Variants in CENPE observed in about 807,000 individuals in gnomAD.
CENPE encodes centromere protein E, also known as centromere-associated protein E.
CENPE carries 145 observed loss-of-function variants against 336.1 expected under a neutral mutation model. The observed-to-expected ratio is 0.43, with a 90% CI of 0.38 to 0.50. The LOEUF (loss-of-function observed/expected upper bound fraction) is 0.50. Ranked by LOEUF, CENPE falls within the 20% of genes least tolerant of loss-of-function variation. CENPE has a pLI of 0.00. For synonymous variants in CENPE, 1,013 were observed against 984.8 expected, an observed-to-expected ratio of 1.03 and a Z score of -0.54; for missense variants, 2,719 against 3,023.3, an observed-to-expected ratio of 0.90 and a Z score of 2.36.
At chr4:103,194,149 T>C (rs1426138836) in intron 8 of CENPE, 80 bp downstream of exon 8, 4 of 1,068,382 alleles carry the variant, frequency 3.7e-6, no homozygotes, top group Non-Finnish European at 5.7e-6. Flanking sequence ...TAACAGTTCT[T>C]ATTAAACCAA....
At position 103,113,691 on chromosome 4, in the gene CENPE, TATA is replaced by T. The variant is rs530181321; in HGVS notation, c.7540+761_7540+763del. 2.0e-3 allele frequency among the ~76,000 whole-genome samples: 297 copies of T among 147,052 alleles called. 2 individuals carry two copies. The highest frequency in any genetic ancestry group is 6.3e-3 in the African/African-American group (254 of 40,462). ...TATTTATTATGTATACTTATATATG[TATA>T]ATAAGTGTATATATACTTATAAGTG... On this transcript the variant is annotated intron_variant, in intron 46 of 48. Coordinates refer to ENST00000265148, the MANE Select transcript of CENPE (RefSeq NM_001813.3).
intron 47 of CENPE, among the ~76,000 whole-genome samples, chr4:103,109,794 C>T (rs1445732029): frequency 6.6e-6 from 1 of 152,156 alleles, no homozygotes; most frequent in Non-Finnish European, 1.5e-5. Flanking sequence ...ATGATCTCAT[C>T]AGGCCACTAG....
chr4:103,198,183 A>T, intron 1 of CENPE, 81 bp downstream of exon 1: 1 of 1,380,516 alleles, frequency 7.2e-7, no homozygotes, highest in Non-Finnish European at 9.9e-7. Context: ...CGGCTCCTGG[A>T]AACATCGTAG....
At chr4:103,129,166 CA>C (rs1751375992) in intron 42 of CENPE, among the ~76,000 whole-genome samples, 1 of 152,058 alleles carries the variant, frequency 6.6e-6, no homozygotes, top group Non-Finnish European at 1.5e-5. Flanking sequence ...TACCAATACA[CA>C]AGAAAGGCAG....
chr4:103,176,972 T>C lies in CENPE; in HGVS notation c.1317A>G (p.Gln439=). ...NKMKNSNYAD[Q]FNIPTNITTK... ...TTGTTATATTTGTTGGTATATTAAA[T>C]TGATCTGCATAGTTTGAGTTCTTCA... The change falls in exon 14 of 49, where the codon CAA becomes CAG. Residue 439 remains glutamine (Q), a synonymous_variant. Transcript: ENST00000265148. The C allele has an allele frequency of 5.0e-6, 8 of 1,606,196 alleles. No homozygotes were observed. The highest frequency in any genetic ancestry group is 6.8e-6 in the Non-Finnish European group (8 of 1,176,090).
At chr4:103,126,562 A>AT (rs1491400829) in intron 42 of CENPE, among the ~76,000 whole-genome samples, 1 of 152,218 alleles carries the variant, frequency 6.6e-6, no homozygotes, top group Non-Finnish European at 1.5e-5. Context: ...AGGGCAAAAA[A>AT]CACAGTTTGA....
At chr4:103,124,983 C>G (rs17033426) in intron 42 of CENPE, among the ~76,000 whole-genome samples, 19 of 152,170 alleles carry the variant, frequency 1.2e-4, no homozygotes, top group African/African-American at 4.1e-4. Flanking sequence ...AACTGGGTCT[C>G]CAGTATTACA....
Position 103,152,771 on chromosome 4 carries a change from T to A in CENPE, c.3237+276A>T, listed in dbSNP as rs182865313. On this transcript the variant is annotated intron_variant, in intron 25 of 48. Transcript: ENST00000265148. ...TAAAGCTCTAGAAGAGACAAATGAT[T>A]TAAGGTGAACATATCAGGACTGATA... Among the ~76,000 whole-genome samples the A allele has an allele frequency of 3.3e-5, 5 of 152,236 alleles. No individual in the cohort carries two copies. The East Asian group carries it at 9.7e-4, about 29-fold the overall frequency.
intron 42 of CENPE, among the ~76,000 whole-genome samples, chr4:103,128,188 A>G (rs1314740395): frequency 6.6e-6 from 1 of 152,226 alleles, no homozygotes; most frequent in Admixed American, 6.5e-5. Context: ...GACATTACGT[A>G]GTGATAAAGA....
intron 42 of CENPE, among the ~76,000 whole-genome samples, 168 bp from the exon 43 acceptor site, chr4:103,123,257 C>T (rs1327296777): frequency 6.6e-6 from 1 of 152,166 alleles, no homozygotes; most frequent in Non-Finnish European, 1.5e-5. Flanking sequence ...AATTGCACAT[C>T]ATTCTGAGTA....
chr4:103,195,885 C>T (rs752703996), intron 4 of CENPE, 35 bp downstream of exon 4: 1 of 1,257,188 alleles, frequency 8.0e-7, no homozygotes, highest in Non-Finnish European at 1.2e-6. Context: ...ACTAGTTTTA[C>T]CTGTACGTAC....
rs6830791 is a variant in CENPE, at chr4:103,138,666, A to G, written c.6205-217T>C. On this transcript the variant is annotated intron_variant, in intron 38 of 48. Coordinates refer to ENST00000265148, the MANE Select transcript of CENPE (RefSeq NM_001813.3). The stretch of plus-strand genomic sequence containing the variant: ...AACTCATTGGTAAAAAAGTAGAAAA[A>G]TCATCTAATTTTTGGAGACAGGATT... Among the ~76,000 whole-genome samples the G allele has an allele frequency of 0.16, 23,672 of 152,046 alleles. 2,048 individuals carry two copies. Among genetic ancestry groups the G allele is most frequent in the South Asian group, 0.31 (1,471 of 4,816 alleles).
Position 103,195,951 on chromosome 4 carries a change from G to C in CENPE, c.326C>G (p.Ala109Gly), listed in dbSNP as rs115065523. The C allele has an allele frequency of 2.1e-4, 340 of 1,613,212 alleles. No homozygotes were observed. In the African/African-American group the frequency reaches 4.1e-3, roughly 19 times the overall value. The change falls in exon 4 of 49, where the codon GCA becomes GGA. Residue 109 changes from alanine to glycine, a missense_variant. Transcript: ENST00000265148. ...SEDHLGVIPR[A>G]IHDIFQKIKK... ...AATTTTTTGGAAAATGTCATGAATT[G>C]CCCTGGGTATAACTCCCAAATGATC...
Position 103,144,987 on chromosome 4 carries a change from C to T in CENPE, c.4857+63G>A, listed in dbSNP as rs182340584. Reference sequence around the variant, plus strand: ...AATTAATAAAACTTAACATGAACACCGTCATTATCACCTTAACACTATTTC... The same window carrying T: ...AATTAATAAAACTTAACATGAACACTGTCATTATCACCTTAACACTATTTC... On this transcript the variant is annotated intron_variant, in intron 32 of 48. Coordinates refer to ENST00000265148, the MANE Select transcript of CENPE (RefSeq NM_001813.3). 1,182 of 1,349,878 alleles carry T rather than the reference C, an allele frequency of 8.8e-4. 1 individual carries two copies. Among genetic ancestry groups the T allele is most frequent in the Admixed American group, 4.4e-3 (173 of 39,422 alleles). 83.6% of individuals were successfully genotyped at this position (1,349,878 alleles called of 1,614,324 possible).
At chr4:103,142,901 G>C (rs1340750091) in intron 34 of CENPE, among the ~76,000 whole-genome samples, 2 of 151,108 alleles carry the variant, frequency 1.3e-5, no homozygotes, top group Admixed American at 6.6e-5. Context: ...CTAGTTACTT[G>C]GGAGACTTGA....
Position 103,195,956 on chromosome 4 carries a change from G to A in CENPE, c.321C>T (p.Pro107=). Residue 107 remains proline, a synonymous_variant, in exon 4 of 49, where the codon CCC becomes CCT. Transcript: ENST00000265148. ...TTTGGAAAATGTCATGAATTGCCCT[G>A]GGTATAACTCCCAAATGATCTTCTG... ...MGSEDHLGVI[P]RAIHDIFQKI... is the part of the protein sequence containing the mutation. 1 of 1,613,464 alleles carries A rather than the reference G, an allele frequency of 6.2e-7. No individual in the cohort carries two copies. The highest frequency in any genetic ancestry group is 8.5e-7 in the Non-Finnish European group (1 of 1,179,548).
At chr4:103,163,710 G>A (rs1030708855) in intron 16 of CENPE, among the ~76,000 whole-genome samples, 157 bp from the exon 17 acceptor site, 4 of 150,300 alleles carry the variant, frequency 2.7e-5, no homozygotes, top group Admixed American at 6.6e-5. Flanking sequence ...TCAAGCTATC[G>A]CAACAAAGCA....
In CENPE at chr4:103,120,259, C is replaced by G. The variant is rs775911053; in HGVS notation, c.7218G>C (p.Lys2406Asn). 1 of 1,612,590 alleles carries G rather than the reference C, an allele frequency of 6.2e-7. No homozygotes were observed. The highest frequency in any genetic ancestry group is 1.3e-5 in the African/African-American group (1 of 74,858). Residue 2406 changes from lysine to asparagine, a missense_variant, in exon 44 of 49, where the codon AAG (lysine) becomes AAC (asparagine). This residue lies in a region of CENPE where 2,437 missense variants were observed against 2,513.3 expected (regional missense o/e 0.97). Coordinates refer to ENST00000265148, the MANE Select transcript of CENPE (RefSeq NM_001813.3). ...TAGTCACCTCAAGTTCTTTCTGCAT[C>G]TTTATAATCTTGCTTTCCTTATGCA... ...SAMHKESKII[K>N]MQKELEVTND...
At chr4:103,161,684 A>C (rs911288516) in intron 18 of CENPE, among the ~76,000 whole-genome samples, 79 of 152,290 alleles carry the variant, frequency 5.2e-4, no homozygotes, top group African/African-American at 1.8e-3. Context: ...TATATAAGCA[A>C]TGTATCATAA....
Sources: gnomAD v4.1 joint callset for allele counts (sites outside exome capture counted in the v4.1 genomes callset) on GRCh38, gnomAD v4.1.1 for gene constraint, gnomAD v4.1.1 regional missense constraint, MANE v1.5 for transcripts, NCBI Gene and HGNC (gene_info 2026-07-23, HGNC 2026-07-21) for gene names.